POLA1: variants seen among roughly 807,000 people sequenced by gnomAD.
POLA1 encodes the protein DNA polymerase alpha 1, catalytic subunit, also known as DNA polymerase alpha catalytic subunit.
POLA1 carries 15 observed loss-of-function variants against 124.0 expected under a neutral mutation model. That is an observed-to-expected ratio of 0.12 (90% CI 0.08 to 0.19). The LOEUF (loss-of-function observed/expected upper bound fraction) is 0.19, where lower values mean the gene tolerates loss of function less well. Among genes scored for constraint, POLA1 ranks in the 10% least tolerant of loss-of-function variants. The pLI is 1.00. For synonymous variants in POLA1, 408 were observed against 389.4 expected, an observed-to-expected ratio of 1.05 and a Z score of -0.56; for missense variants, 886 against 1,103.4, an observed-to-expected ratio of 0.80 and a Z score of 2.79.
intron 34 of POLA1, among the ~76,000 whole-genome samples, chrX:24,866,523 T>C: frequency 8.9e-6 from 1 of 112,234 alleles, no homozygotes; most frequent in East Asian, 2.8e-4. Flanking sequence ...TAGAATTTCA[T>C]ATCATGCCCA....
chrX:24,984,353 G>A (rs1208495662), intron 36 of POLA1, among the ~76,000 whole-genome samples: 1 of 111,946 alleles, frequency 8.9e-6, no homozygotes, highest in Non-Finnish European at 1.9e-5. Flanking sequence ...TCTGAGATGT[G>A]CAATACAACA....
At chrX:24,755,035 G>T (rs757387289) in intron 26 of POLA1, among the ~76,000 whole-genome samples, 261 of 112,490 alleles carry the variant, frequency 2.3e-3, no homozygotes, top group African/African-American at 7.8e-3. Flanking sequence ...CCACCTTTGT[G>T]AGAGTTTCTC....
At chrX:24,961,192 G>A (rs1431068083) in intron 36 of POLA1, among the ~76,000 whole-genome samples, 2 of 110,886 alleles carry the variant, frequency 1.8e-5, no homozygotes, top group African/African-American at 6.6e-5. Flanking sequence ...CTGTAAACTC[G>A]GGGATACTAG....
intron 35 of POLA1, among the ~76,000 whole-genome samples, chrX:24,922,533 A>G (rs746483706): frequency 7.1e-5 from 8 of 111,918 alleles, no homozygotes; most frequent in Non-Finnish European, 1.5e-4. Context: ...AAAGGTCTTA[A>G]AAGTTGGTAT....
intron 26 of POLA1, among the ~76,000 whole-genome samples, chrX:24,749,966 A>G (rs1371116307): frequency 1.8e-5 from 2 of 112,051 alleles, no homozygotes; most frequent in Non-Finnish European, 3.8e-5. Context: ...TAAAGGAGGT[A>G]GGTAGTGGTC....
chrX:24,701,860 T>G (rs1158936123), intron 2 of POLA1, among the ~76,000 whole-genome samples: 8 of 109,203 alleles, frequency 7.3e-5, no homozygotes, highest in Non-Finnish European at 1.5e-4. Flanking sequence ...TTCAAGCGAT[T>G]CTCCTGCTTC....
chrX:24,880,664 C>T (rs188557008), intron 34 of POLA1, among the ~76,000 whole-genome samples: 106 of 111,844 alleles, frequency 9.5e-4, no homozygotes, highest in Non-Finnish European at 1.4e-3. Flanking sequence ...CTGGAAATTC[C>T]AAATCACAAC....
chrX:24,865,223 T>C (rs990158654), intron 34 of POLA1, among the ~76,000 whole-genome samples: 4 of 112,359 alleles, frequency 3.6e-5, no homozygotes, highest in African/African-American at 1.3e-4. Context: ...AATGATTAAA[T>C]TTATGACTGT....
intron 36 of POLA1, among the ~76,000 whole-genome samples, chrX:24,952,254 C>G (rs1389664630): frequency 3.6e-5 from 4 of 112,156 alleles, no homozygotes; most frequent in Non-Finnish European, 7.5e-5. Flanking sequence ...ACTCCCATAA[C>G]CTTCTCTTTG....
chrX:24,731,982 TCTCA>T (rs1930933981), intron 15 of POLA1, among the ~76,000 whole-genome samples: 1 of 111,761 alleles, frequency 8.9e-6, no homozygotes, highest in Non-Finnish European at 1.9e-5. Context: ...CGAGACAGAG[TCTCA>T]CTCTGTCACC....
chrX:24,941,681 T>C (rs2047909789), intron 36 of POLA1, among the ~76,000 whole-genome samples: 1 of 112,571 alleles, frequency 8.9e-6, no homozygotes, highest in African/African-American at 3.2e-5. Flanking sequence ...TGAATTTATT[T>C]AGATCCATCT....
At chrX:24,935,598 C>T (rs1470711031) in intron 36 of POLA1, among the ~76,000 whole-genome samples, 2 of 112,825 alleles carry the variant, frequency 1.8e-5, no homozygotes, top group African/African-American at 3.2e-5. Flanking sequence ...GGTGAAATCC[C>T]ACATTCACTT....
At chrX:24,918,378 T>G (rs1424564442) in intron 35 of POLA1, among the ~76,000 whole-genome samples, 1 of 111,911 alleles carries the variant, frequency 8.9e-6, no homozygotes, top group Non-Finnish European at 1.9e-5. Context: ...AACCTCATTA[T>G]AGACTGACAA....
At chrX:24,732,599 G>GTTTTTTTTTTT (rs5901763) in intron 16 of POLA1, 145 bp downstream of exon 16, 7 of 206,894 alleles carry the variant, frequency 3.4e-5, no homozygotes, top group Admixed American at 9.1e-5. Context: ...GTTTTTTTTT[G>GTTTTTTTTTTT]TTTTTTTTTT....
chrX:24,797,995 C>T (rs2045639601), intron 26 of POLA1, among the ~76,000 whole-genome samples: 1 of 110,510 alleles, frequency 9.0e-6, no homozygotes, highest in African/African-American at 3.3e-5. Flanking sequence ...CTGCAGTGAC[C>T]CAAGATTGCC....
chrX:24,710,056 G>A (rs1224697969), intron 4 of POLA1, among the ~76,000 whole-genome samples: 9 of 104,930 alleles, frequency 8.6e-5, no homozygotes, highest in African/African-American at 2.4e-4. Flanking sequence ...CCTTGCCCTC[G>A]GGCCCCGTGG....
intron 30 of POLA1, among the ~76,000 whole-genome samples, chrX:24,819,338 T>C (rs753973687): frequency 8.9e-6 from 1 of 112,227 alleles, no homozygotes; most frequent in African/African-American, 3.2e-5. Context: ...AAAGCTTGAA[T>C]TTTATCATTG....
chrX:24,827,873 T>G (rs946512222), intron 32 of POLA1, among the ~76,000 whole-genome samples: 2 of 112,148 alleles, frequency 1.8e-5, no homozygotes, highest in Non-Finnish European at 3.8e-5. Flanking sequence ...CTGTAAGATT[T>G]GTATATACTT....
chrX:24,957,818 T>G (rs932300000), intron 36 of POLA1, among the ~76,000 whole-genome samples: 2 of 110,207 alleles, frequency 1.8e-5, no homozygotes, highest in African/African-American at 6.6e-5. Context: ...GATCTGTTCT[T>G]GAAGGTCACT....
Sources: gnomAD v4.1 joint callset for allele counts (sites outside exome capture counted in the v4.1 genomes callset) on GRCh38, gnomAD v4.1.1 for gene constraint, MANE v1.5 for transcripts, NCBI Gene and HGNC (gene_info 2026-07-23, HGNC 2026-07-21) for gene names.